The following KCNH7 variants were observed in gnomAD, a reference collection of about 807,000 sequenced individuals.
The protein encoded by KCNH7 is potassium voltage-gated channel subfamily H member 7, also known as voltage-gated inwardly rectifying potassium channel KCNH7.
In KCNH7, 49 loss-of-function variants were observed where a neutral mutation model predicts 120.8. The observed-to-expected ratio is 0.41, with a 90% CI of 0.32 to 0.51. The LOEUF is 0.51. Ranked by LOEUF, KCNH7 falls within the 20% of genes least tolerant of loss-of-function variation. The pLI, the probability that KCNH7 is intolerant of heterozygous loss-of-function variation, is 0.38. For missense variants in KCNH7, 1,097 were observed against 1,446.6 expected (o/e 0.76, Z 3.92); for synonymous variants, 547 against 516.1 (o/e 1.06, Z -0.81).
At chr2:162,633,282 C>T (rs879647155) in intron 2 of KCNH7, among the ~76,000 whole-genome samples, 13 of 151,640 alleles carry the variant, frequency 8.6e-5, no homozygotes, top group South Asian at 2.1e-4. Context: ...TAAACTTGGC[C>T]GAAATAATCA....
At chr2:162,641,944 C>A (rs1451719379) in intron 2 of KCNH7, among the ~76,000 whole-genome samples, 1 of 151,916 alleles carries the variant, frequency 6.6e-6, no homozygotes. Context: ...AACTGGAAGG[C>A]CTTTCTTAGC....
At chr2:162,537,678 G>T (rs1189362920) in intron 2 of KCNH7, among the ~76,000 whole-genome samples, 1 of 151,982 alleles carries the variant, frequency 6.6e-6, no homozygotes, top group African/African-American at 2.4e-5. Context: ...ACAAAGTTTT[G>T]TCTATATTAT....
chr2:162,705,607 T>C (rs931039401), intron 2 of KCNH7, among the ~76,000 whole-genome samples: 2 of 152,158 alleles, frequency 1.3e-5, no homozygotes, highest in Non-Finnish European at 2.9e-5. Context: ...CTGGTCTTCA[T>C]GGATTTGTCC....
chr2:162,423,302 C>A (rs541379709), intron 9 of KCNH7, 34 bp downstream of exon 9: 29 of 1,613,730 alleles, frequency 1.8e-5, no homozygotes, highest in Middle Eastern at 1.6e-4. Flanking sequence ...ATAATGCCTG[C>A]GGCACTTTCA....
intron 2 of KCNH7, among the ~76,000 whole-genome samples, chr2:162,832,713 A>G (rs1419614099): frequency 6.6e-6 from 1 of 152,116 alleles, no homozygotes; most frequent in Admixed American, 6.6e-5. Flanking sequence ...GGTACATTAC[A>G]TGAGAGAGAG....
intron 2 of KCNH7, among the ~76,000 whole-genome samples, chr2:162,776,380 C>A (rs541397036): frequency 6.6e-6 from 1 of 152,178 alleles, no homozygotes; most frequent in East Asian, 1.9e-4. Context: ...TAAAATAGTG[C>A]AAGACTGAAT....
intron 2 of KCNH7, among the ~76,000 whole-genome samples, chr2:162,581,086 G>A (rs1427474366): frequency 6.6e-6 from 1 of 152,038 alleles, no homozygotes. Context: ...TTGAAGAATG[G>A]AAGTGGCCAT....
chr2:162,716,392 T>C (rs1172923896), intron 2 of KCNH7, among the ~76,000 whole-genome samples: 1 of 151,992 alleles, frequency 6.6e-6, no homozygotes, highest in Non-Finnish European at 1.5e-5. Context: ...TTTGGTATTT[T>C]AAAAATTTAC....
chr2:162,768,104 T>C (rs1443418845), intron 2 of KCNH7, among the ~76,000 whole-genome samples: 3 of 152,190 alleles, frequency 2.0e-5, no homozygotes, highest in African/African-American at 4.8e-5. Flanking sequence ...AGTTAGTAGA[T>C]AGTATCTACA....
intron 2 of KCNH7, among the ~76,000 whole-genome samples, chr2:162,598,106 G>C (rs1042072088): frequency 8.6e-5 from 13 of 151,928 alleles, no homozygotes; most frequent in Admixed American, 3.3e-4. Flanking sequence ...GCTGATAACA[G>C]AGATAGAAAA....
intron 6 of KCNH7, among the ~76,000 whole-genome samples, chr2:162,477,931 G>T (rs1185433778): frequency 6.8e-6 from 1 of 147,956 alleles, no homozygotes; most frequent in East Asian, 2.1e-4. Flanking sequence ...CACAGCCCCT[G>T]TCCTCATGGA....
intron 6 of KCNH7, among the ~76,000 whole-genome samples, chr2:162,504,057 G>A (rs191012357): frequency 6.6e-6 from 1 of 152,118 alleles, no homozygotes; most frequent in Admixed American, 6.6e-5. Flanking sequence ...GGATACCACA[G>A]TTCAGAGCAA....
At chr2:162,745,843 C>T (rs1688297188) in intron 2 of KCNH7, among the ~76,000 whole-genome samples, 1 of 151,660 alleles carries the variant, frequency 6.6e-6, no homozygotes, top group South Asian at 2.1e-4. Context: ...AATCTTTCTG[C>T]TTTTTCCCAG....
At chr2:162,785,968 C>T (rs149606180) in intron 2 of KCNH7, among the ~76,000 whole-genome samples, 2,491 of 152,138 alleles carry the variant, frequency 0.016, 63 homozygotes, top group African/African-American at 0.051. Flanking sequence ...ATGGGCTGGG[C>T]GCGGTGGCTC....
At chr2:162,699,648 G>T (rs1429998879) in intron 2 of KCNH7, among the ~76,000 whole-genome samples, 1 of 152,120 alleles carries the variant, frequency 6.6e-6, no homozygotes, top group Non-Finnish European at 1.5e-5. Flanking sequence ...TGATAAGCTT[G>T]AAAGTTGATA....
intron 2 of KCNH7, among the ~76,000 whole-genome samples, chr2:162,673,103 T>C (rs917364706): frequency 6.6e-6 from 1 of 152,020 alleles, no homozygotes; most frequent in African/African-American, 2.4e-5. Context: ...TACCAAACTT[T>C]AAAATAGCTG....
At chr2:162,498,275 G>A (rs1284164110) in intron 6 of KCNH7, among the ~76,000 whole-genome samples, 4 of 151,852 alleles carry the variant, frequency 2.6e-5, no homozygotes, top group Non-Finnish European at 5.9e-5. Context: ...AAGTTTAAAG[G>A]AAATGTAAAC....
chr2:162,413,774 A>G (rs1341190097), intron 9 of KCNH7, among the ~76,000 whole-genome samples: 1 of 151,928 alleles, frequency 6.6e-6, no homozygotes, highest in Non-Finnish European at 1.5e-5. Flanking sequence ...CAATTAGATA[A>G]TATTAAAAAA....
At chr2:162,707,474 G>A (rs1465827920) in intron 2 of KCNH7, among the ~76,000 whole-genome samples, 1 of 151,952 alleles carries the variant, frequency 6.6e-6, no homozygotes, top group Non-Finnish European at 1.5e-5. Flanking sequence ...TTTTAAATAT[G>A]CTTTGAAAGA....
Sources: allele counts gnomAD v4.1 joint callset (sites outside exome capture counted in the v4.1 genomes callset), GRCh38; gene constraint gnomAD v4.1.1; transcripts MANE v1.5; gene names NCBI Gene and HGNC (gene_info 2026-07-23, HGNC 2026-07-21).